SGK2: variants seen among roughly 807,000 people sequenced by gnomAD.
The protein encoded by SGK2 is serine/threonine-protein kinase Sgk2.
SGK2 carries 36 observed loss-of-function variants against 47.5 expected under a neutral mutation model. The observed-to-expected ratio is 0.76, with a 90% confidence interval of 0.58 to 1.00. SGK2 has a LOEUF of 1.00. SGK2 is among the 50% of genes least tolerant of loss of function. The pLI, the probability that SGK2 is intolerant of heterozygous loss-of-function variation, is 0.00. For synonymous variants in SGK2, 157 were observed against 181.9 expected, an observed-to-expected ratio of 0.86 and a Z score of 1.10; for missense variants, 404 against 467.4, an observed-to-expected ratio of 0.86 and a Z score of 1.25.
chr20:43,569,040 A>G (rs1027082227), intron 5 of SGK2, among the ~76,000 whole-genome samples: 2 of 152,198 alleles, frequency 1.3e-5, no homozygotes, highest in Non-Finnish European at 2.9e-5. Context: ...GAGCAAATAC[A>G]TGAATATGGA....
chr20:43,581,558 T>G (rs1450514339), intron 12 of SGK2, among the ~76,000 whole-genome samples: 2 of 152,188 alleles, frequency 1.3e-5, no homozygotes, highest in African/African-American at 4.8e-5. Context: ...TTATTTTATT[T>G]ATTTATTTTT....
intron 9 of SGK2, among the ~76,000 whole-genome samples, chr20:43,574,087 G>A (rs1037637232): frequency 6.6e-6 from 1 of 152,154 alleles, no homozygotes; most frequent in Non-Finnish European, 1.5e-5. Context: ...ACCAGGGTCT[G>A]AGAGGTTAAA....
In SGK2 at chr20:43,566,425, ACC is replaced by A. The variant is rs750160588; in HGVS notation, c.-23-43_-23-42del. On this transcript the variant is annotated intron_variant, in intron 1 of 12. Transcript: ENST00000373100. ...CTGAAGCCCTGGATGGGCGGAGCTG[ACC>A]CCCCAACACCAACTCTCTCATGCCT... 5.0e-6 allele frequency: 8 copies of A among 1,613,408 alleles called. No homozygotes were observed. In the East Asian group the frequency reaches 1.6e-4, roughly 31 times the overall value.
chr20:43,573,034 C>T (rs1980234846), intron 9 of SGK2, among the ~76,000 whole-genome samples: 1 of 152,146 alleles, frequency 6.6e-6, no homozygotes, highest in Non-Finnish European at 1.5e-5. Context: ...AACAAGAGGG[C>T]CTGGCCTGAG....
At chr20:43,582,670 G>A (rs1486167331) in intron 12 of SGK2, among the ~76,000 whole-genome samples, 1 of 147,598 alleles carries the variant, frequency 6.8e-6, no homozygotes, top group Non-Finnish European at 1.5e-5. Context: ...TTACAGGCAT[G>A]AGCCATCGCG....
At chr20:43,577,000 A>G (rs1173137172) in intron 11 of SGK2, among the ~76,000 whole-genome samples, 2 of 152,256 alleles carry the variant, frequency 1.3e-5, no homozygotes, top group African/African-American at 2.4e-5. Flanking sequence ...CAAACATTAT[A>G]TACAATTATC....
chr20:43,582,258 A>T (rs1285064956), intron 12 of SGK2, among the ~76,000 whole-genome samples: 1 of 151,868 alleles, frequency 6.6e-6, no homozygotes. Context: ...ATGTTTTTCT[A>T]TGTAGCCCAG....
intron 3 of SGK2, 113 bp downstream of exon 3, chr20:43,567,230 A>G: frequency 1.1e-6 from 1 of 870,542 alleles, no homozygotes; most frequent in East Asian, 2.6e-5. Context: ...ACTGTCTGCC[A>G]TCTGGGCCCA....
At chr20:43,576,076 C>T in intron 10 of SGK2, 148 bp from the exon 11 acceptor site, 3 of 884,044 alleles carry the variant, frequency 3.4e-6, no homozygotes, top group Non-Finnish European at 3.5e-6. Context: ...AGCCTGGAGT[C>T]CTGTCTCTTT....
At chr20:43,579,751 G>A (rs1018044977) in intron 11 of SGK2, among the ~76,000 whole-genome samples, 1 of 152,142 alleles carries the variant, frequency 6.6e-6, no homozygotes, top group Non-Finnish European at 1.5e-5. Context: ...AATAGTTTTG[G>A]AATAAACAGA....
At chr20:43,563,786 G>A (rs1009839296) in intron 1 of SGK2, among the ~76,000 whole-genome samples, 1 of 152,188 alleles carries the variant, frequency 6.6e-6, no homozygotes, top group African/African-American at 2.4e-5. Flanking sequence ...CTTGTTCTGG[G>A]TATGTGTTTT....
At chr20:43,583,376 TA>T in intron 12 of SGK2, 1 of 1,258,948 alleles carries the variant, frequency 7.9e-7, no homozygotes, top group South Asian at 1.3e-5. Flanking sequence ...AGGTCTTCAG[TA>T]AGTCTCTTTA....
chr20:43,564,098 G>A (rs370415465), intron 1 of SGK2, among the ~76,000 whole-genome samples: 12 of 152,176 alleles, frequency 7.9e-5, no homozygotes, highest in East Asian at 1.9e-4. Flanking sequence ...CCTACCCCTC[G>A]GGATCCTGGG....
At chr20:43,570,761 C>G (rs763423649) in intron 7 of SGK2, 32 bp downstream of exon 7, 2 of 1,522,510 alleles carry the variant, frequency 1.3e-6, no homozygotes, top group Non-Finnish European at 1.8e-6. Context: ...GAGCCAGGAC[C>G]AAGCCCTTCT....
intron 11 of SGK2, among the ~76,000 whole-genome samples, chr20:43,576,803 A>G (rs1458084315): frequency 6.6e-6 from 1 of 152,238 alleles, no homozygotes; most frequent in Non-Finnish European, 1.5e-5. Context: ...TTAGCTGGGC[A>G]TGGTGTTGGG....
intron 2 of SGK2, 33 bp from the exon 3 acceptor site, chr20:43,567,035 G>A (rs976539695): frequency 1.9e-6 from 3 of 1,594,376 alleles, no homozygotes; most frequent in Non-Finnish European, 1.7e-6. Context: ...CAAGGAGTAG[G>A]GATCTGCTGA....
At chr20:43,562,633 C>T (rs372131809) in intron 1 of SGK2, among the ~76,000 whole-genome samples, 4 of 151,152 alleles carry the variant, frequency 2.6e-5, no homozygotes, top group Non-Finnish European at 5.9e-5. Context: ...CCCAGCTACT[C>T]GGGAGGCTGA....
Position 43,572,288 on chromosome 20 carries a change from T to C in SGK2, c.597+151T>C. On this transcript the variant is annotated intron_variant, in intron 9 of 12. Transcript: ENST00000373100. This position sits in a 1 kb window ranked among gnomAD's most constrained non-coding sequence, Gnocchi z 4.2. ...TATACACTGAACTGTGGTTTCCTCA[T>C]CTATGTAATGGGGGTACCAGCTCTA... 1.6e-6 allele frequency: 1 copy of C among 626,624 alleles called. No individual in the cohort carries two copies. Among genetic ancestry groups the C allele is most frequent in the Non-Finnish European group, 2.9e-6 (1 of 347,448 alleles). 38.8% of individuals were successfully genotyped at this position (626,624 alleles called of 1,614,324 possible).
chr20:43,584,923 T>C lies in SGK2; in HGVS notation c.1011T>C (p.Cys337=). The C allele has an allele frequency of 6.2e-7, 1 of 1,614,148 alleles. No individual in the cohort carries two copies. Among genetic ancestry groups the C allele is most frequent in the Non-Finnish European group, 8.5e-7 (1 of 1,179,986 alleles). ...TQEAVSKSIG[C]TPDTVASSSG... is the part of the protein sequence containing the mutation. ...AAGCTGTGTCCAAGTCCATTGGCTGTACCCCTGACACTGTGGCCAGCAGCT... is the reference window on the plus strand; with the variant it reads ...AAGCTGTGTCCAAGTCCATTGGCTGCACCCCTGACACTGTGGCCAGCAGCT... The change falls in exon 13 of 13, where the codon TGT becomes TGC. Residue 337 remains cysteine, a synonymous_variant. Coordinates refer to ENST00000373100, the MANE Select transcript of SGK2 (RefSeq NM_170693.3).
Sources: allele counts gnomAD v4.1 joint callset (sites outside exome capture counted in the v4.1 genomes callset), GRCh38; gene constraint gnomAD v4.1.1; non-coding constraint Gnocchi (gnomAD v3.1); transcripts MANE v1.5; gene names NCBI Gene and HGNC (gene_info 2026-07-23, HGNC 2026-07-21).